The following ANK3 variants were observed in gnomAD, a reference collection of about 807,000 sequenced individuals.
ANK3 encodes ankyrin 3.
In ANK3, 57 loss-of-function variants were observed where a neutral mutation model predicts 370.9. The ratio of observed to expected loss-of-function variants is 0.15; its 90% confidence interval spans 0.12 to 0.19. The LOEUF (loss-of-function observed/expected upper bound fraction) is 0.19. ANK3 is among the 10% of genes least tolerant of loss of function. The probability of loss-of-function intolerance (pLI) is 1.00; values close to 1 mark genes in which losing one functional copy is unlikely to be tolerated. For missense variants in ANK3, 4,439 were observed against 5,302.1 expected (o/e 0.84, Z 5.06); for synonymous variants, 1,929 against 1,946.3 (o/e 0.99, Z 0.23).
At position 60,028,858 on chromosome 10, in the gene ANK3, A is replaced by T; in HGVS notation, c.*988T>A. On this transcript the variant is annotated 3_prime_UTR_variant, in exon 44 of 44. Transcript: ENST00000280772. ...CCCTAAAGCAACTACCGTATAGGTT[A>T]TTTTTTTTTGTTGTTTTTAGGTCAT... The T allele has an allele frequency of 6.6e-6, 1 of 150,774 alleles. No homozygotes were observed. Among genetic ancestry groups the T allele is most frequent in the East Asian group, 2.0e-4 (1 of 5,092 alleles). 9.3% of individuals were successfully genotyped at this position (150,774 alleles called of 1,614,324 possible). A position where few individuals can be genotyped will look rare whatever the true frequency, so the allele number is the denominator to read the frequency against.
At chr10:60,586,738 C>A (rs980341418) in intron 2 of ANK3, among the ~76,000 whole-genome samples, 24 of 152,102 alleles carry the variant, frequency 1.6e-4, no homozygotes, top group African/African-American at 5.8e-4. Context: ...TGTGGTAGGA[C>A]CACATGACTA....
chr10:60,342,528 C>T (rs1294163949), intron 1 of ANK3, among the ~76,000 whole-genome samples: 3 of 152,182 alleles, frequency 2.0e-5, no homozygotes, highest in Non-Finnish European at 4.4e-5. Flanking sequence ...AAGGGACACT[C>T]TGACTGAGGC....
At chr10:60,616,753 C>T (rs1336665913) in intron 1 of ANK3, among the ~76,000 whole-genome samples, 8 of 152,096 alleles carry the variant, frequency 5.3e-5, no homozygotes, top group African/African-American at 9.7e-5. Context: ...ATGGCACTTG[C>T]GTATCATGTG....
chr10:60,730,792 T>G (rs1412410479), intron 1 of ANK3, among the ~76,000 whole-genome samples: 1 of 152,222 alleles, frequency 6.6e-6, no homozygotes, highest in Non-Finnish European at 1.5e-5. Flanking sequence ...TTAGTAACCT[T>G]GATCTTTCTA....
At chr10:60,376,707 A>G (rs373688116) in intron 1 of ANK3, among the ~76,000 whole-genome samples, 2 of 152,248 alleles carry the variant, frequency 1.3e-5, no homozygotes, top group African/African-American at 4.8e-5. Context: ...AAATGCATTC[A>G]TGGTCACCCT....
At chr10:60,671,069 A>G (rs968402152) in intron 1 of ANK3, among the ~76,000 whole-genome samples, 16 of 152,210 alleles carry the variant, frequency 1.1e-4, no homozygotes, top group African/African-American at 2.7e-4. Context: ...TTCCTACCAC[A>G]TGACTCCTTT....
At chr10:60,155,719 C>G (rs1470585230) in intron 23 of ANK3, among the ~76,000 whole-genome samples, 1 of 152,194 alleles carries the variant, frequency 6.6e-6, no homozygotes, top group East Asian at 1.9e-4. Flanking sequence ...CAGCTGCCAG[C>G]AAGGCCAGAA....
intron 2 of ANK3, among the ~76,000 whole-genome samples, chr10:60,417,194 T>C (rs553631677): frequency 6.6e-6 from 1 of 152,278 alleles, no homozygotes; most frequent in South Asian, 2.1e-4. Flanking sequence ...GGGGAACATG[T>C]GTGCTCAGGG....
chr10:60,076,114 T>C lies in ANK3; in HGVS notation c.4767A>G (p.Pro1589=), dbSNP rs200622637. ...TACCAGAGGAAACTTGGATATTGTA[T>C]GGAGATTGTGACACCACAGTTTTTA... ...SPIKTVVSQS[P]YNIQVSSGTL... is the part of the protein sequence containing the mutation. Residue 1589 remains proline, a synonymous_variant, in exon 37 of 44, where the codon CCA becomes CCG. Coordinates refer to ENST00000280772, the MANE Select transcript of ANK3 (RefSeq NM_020987.5). 2 of 1,614,214 alleles carry C rather than the reference T, an allele frequency of 1.2e-6. No individual in the cohort carries two copies. The highest frequency in any genetic ancestry group is 1.7e-6 in the Non-Finnish European group (2 of 1,180,016).
In ANK3 at chr10:60,455,727, A is replaced by G. The variant is rs540221802; in HGVS notation, c.96+159459T>C. Among the ~76,000 whole-genome samples, 22 of 152,234 alleles carry G rather than the reference A, an allele frequency of 1.4e-4. No individual in the cohort carries two copies. In the South Asian group the frequency reaches 4.1e-3, roughly 29 times the overall value. ...TCTACATTTGAGGCACCGTGATCCC[A>G]TTCATAGGCTAACCCTATAGGAGGC... On this transcript the variant is annotated intron_variant, in intron 2 of 43. Transcript: ENST00000373827.
intron 43 of ANK3, among the ~76,000 whole-genome samples, chr10:60,036,422 A>AGTTTTTTTT (rs2074980538): frequency 1.4e-5 from 1 of 72,310 alleles, no homozygotes; most frequent in African/African-American, 7.0e-5. Context: ...GTCAGAGGCA[A>AGTTTTTTTT]TTTTTTTTTT....
At chr10:60,038,467 G>T (rs909693305) in intron 43 of ANK3, among the ~76,000 whole-genome samples, 2 of 152,044 alleles carry the variant, frequency 1.3e-5, no homozygotes, top group African/African-American at 4.8e-5. Context: ...GTGGTTTTTT[G>T]CTTGTAAAAA....
At chr10:60,336,890 A>G (rs922835042) in intron 1 of ANK3, among the ~76,000 whole-genome samples, 6 of 152,134 alleles carry the variant, frequency 3.9e-5, no homozygotes, top group Non-Finnish European at 7.4e-5. Flanking sequence ...GTGCATCTAC[A>G]TTCTCTTTGC....
chr10:60,484,621 A>G (rs7898622), intron 2 of ANK3, among the ~76,000 whole-genome samples: 70,096 of 151,872 alleles, frequency 0.46, 16,669 homozygotes, highest in Middle Eastern at 0.56. Context: ...ACATAAAGGC[A>G]AAACAGGAAT....
intron 1 of ANK3, among the ~76,000 whole-genome samples, chr10:60,342,233 A>G (rs909771111): frequency 6.6e-6 from 1 of 152,192 alleles, no homozygotes; most frequent in African/African-American, 2.4e-5. Context: ...ATTCCAAAAA[A>G]GTCCTTTCCA....
At chr10:60,329,471 C>A (rs754878276) in intron 1 of ANK3, among the ~76,000 whole-genome samples, 40 of 152,172 alleles carry the variant, frequency 2.6e-4, no homozygotes, top group Non-Finnish European at 4.9e-4. Context: ...AAATCACAAG[C>A]ATTTCTATAC....
At chr10:60,296,990 A>G (rs1292329936) in intron 1 of ANK3, among the ~76,000 whole-genome samples, 4 of 152,204 alleles carry the variant, frequency 2.6e-5, no homozygotes, top group African/African-American at 9.6e-5. Context: ...AAAGAAATAA[A>G]TAAATAAATA....
At chr10:60,168,850 C>T (rs1246894342) in intron 21 of ANK3, among the ~76,000 whole-genome samples, 2 of 152,160 alleles carry the variant, frequency 1.3e-5, no homozygotes. Context: ...CAGCTCCATC[C>T]ATGTCCCTGC....
intron 1 of ANK3, among the ~76,000 whole-genome samples, chr10:60,333,833 G>A (rs959503201): frequency 2.6e-5 from 4 of 152,034 alleles, no homozygotes; most frequent in South Asian, 2.1e-4. Flanking sequence ...TTTAATGATC[G>A]CCATTCTCAT....
Sources: gnomAD v4.1 joint callset for allele counts (sites outside exome capture counted in the v4.1 genomes callset) on GRCh38, gnomAD v4.1.1 for gene constraint, MANE v1.5 for transcripts, NCBI Gene and HGNC (gene_info 2026-07-23, HGNC 2026-07-21) for gene names.